AQR: variants seen among roughly 807,000 people sequenced by gnomAD.
AQR encodes the protein aquarius intron-binding spliceosomal factor, also known as RNA helicase aquarius.
Under a neutral mutation model 180.5 loss-of-function variants are expected in AQR, and 61 were observed. The ratio of observed to expected loss-of-function variants is 0.34; its 90% CI spans 0.28 to 0.42. The LOEUF (loss-of-function observed/expected upper bound fraction) is 0.42, where lower values mean the gene tolerates loss of function less well. AQR is among the 10% of genes least tolerant of loss of function. The probability of loss-of-function intolerance (pLI) is 1.00; values close to 1 mark genes in which losing one functional copy is unlikely to be tolerated. For missense variants in AQR, 1,281 were observed against 1,798.3 expected (o/e 0.71, Z 5.20); for synonymous variants, 551 against 588.8 (o/e 0.94, Z 0.93).
chr15:34,903,898 C>A (rs952646654), intron 19 of AQR, among the ~76,000 whole-genome samples: 2 of 151,958 alleles, frequency 1.3e-5, no homozygotes, highest in African/African-American at 4.8e-5. Context: ...TATATTATAA[C>A]GTATAGTAAT....
intron 4 of AQR, among the ~76,000 whole-genome samples, chr15:34,948,847 G>A (rs1894171112): frequency 6.6e-6 from 1 of 150,702 alleles, no homozygotes; most frequent in South Asian, 2.1e-4. Context: ...CTGCAGTCTA[G>A]GTCACTGCTA....
chr15:34,968,128 A>T (rs1023162657), intron 1 of AQR, among the ~76,000 whole-genome samples: 26 of 151,314 alleles, frequency 1.7e-4, no homozygotes, highest in African/African-American at 5.8e-4. Context: ...TTTTAAGGAC[A>T]GCCAGCCTTA....
intron 5 of AQR, among the ~76,000 whole-genome samples, chr15:34,946,985 CGGCCACCACCCCGTCTGGGAGGTGT>C (rs1566995335): frequency 6.6e-6 from 1 of 152,080 alleles, no homozygotes; most frequent in Non-Finnish European, 1.5e-5. Flanking sequence ...CCCCTCTGCC[CGGCCACCACCCCGTCTGGGAGGTGT>C]GCCCAACAGC....
At chr15:34,883,088 G>C (rs774238921) in intron 26 of AQR, among the ~76,000 whole-genome samples, 7 of 152,136 alleles carry the variant, frequency 4.6e-5, no homozygotes, top group Non-Finnish European at 8.8e-5. Context: ...AATAAAGGTA[G>C]GAAGTGGTAT....
rs568425919 is a variant in AQR at position 34,878,342 on chromosome 15, C to T, written c.3166-2336G>A. 1.6e-4 allele frequency among the ~76,000 whole-genome samples: 22 copies of T among 141,110 alleles called. No individual in the cohort carries two copies. The East Asian group carries it at 3.4e-3, about 22-fold the overall frequency. The allele number at this position is 141,110 out of a possible 152,430, so 92.6% of individuals were successfully genotyped here. On this transcript the variant is annotated intron_variant, in intron 27 of 34. Coordinates refer to ENST00000156471, the MANE Select transcript of AQR (RefSeq NM_014691.3). ...CAGAGGTTGCAGTGAGCCGAGATCA[C>T]GCCATTGCACTCCAGCCTGGGAAAA... is the stretch of plus-strand genomic sequence containing the variant.
In AQR at chr15:34,930,503, A is replaced by C. The variant is rs558194489; in HGVS notation, c.901-132T>G. On this transcript the variant is annotated intron_variant, in intron 11 of 34. Coordinates refer to ENST00000156471, the MANE Select transcript of AQR (RefSeq NM_014691.3). The stretch of plus-strand genomic sequence containing the variant: ...AAAAACTCAGGAATGTAAACATTAC[A>C]AAAAAGATTTTAGAACATATCCAAC... The C allele has an allele frequency of 6.5e-5, 37 of 565,540 alleles. No homozygotes were observed. The Admixed American group carries it at 9.0e-4, about 14-fold the overall frequency. The allele number at this position is 565,540 out of a possible 1,614,324, so 35.0% of individuals were successfully genotyped here. A position where few individuals can be genotyped will look rare whatever the true frequency, so the allele number is the denominator to read the frequency against.
intron 27 of AQR, among the ~76,000 whole-genome samples, chr15:34,879,774 A>C (rs142295972): frequency 1.4e-4 from 22 of 152,238 alleles, no homozygotes; most frequent in Middle Eastern, 3.4e-3. Context: ...CCCAATAGAC[A>C]ACAGGTTTAG....
At chr15:34,881,003 C>T (rs1892964872) in intron 27 of AQR, among the ~76,000 whole-genome samples, 1 of 152,000 alleles carries the variant, frequency 6.6e-6, no homozygotes, top group South Asian at 2.1e-4. Flanking sequence ...TGCTAACTAC[C>T]CGTTGACGTG....
intron 15 of AQR, among the ~76,000 whole-genome samples, chr15:34,917,978 G>C (rs887196798): frequency 3.9e-5 from 6 of 151,936 alleles, no homozygotes; most frequent in African/African-American, 1.5e-4. Context: ...GCAAGACCCT[G>C]TCTCACACTA....
chr15:34,923,367 C>G (rs1184107682), intron 13 of AQR, among the ~76,000 whole-genome samples: 1 of 152,066 alleles, frequency 6.6e-6, no homozygotes, highest in East Asian at 1.9e-4. Flanking sequence ...ACCCATTTAG[C>G]CAATATTTTC....
At chr15:34,860,470 AC>A (rs1892654977) in intron 33 of AQR, among the ~76,000 whole-genome samples, 1 of 151,888 alleles carries the variant, frequency 6.6e-6, no homozygotes, top group Non-Finnish European at 1.5e-5. Context: ...AAGGTTAGAG[AC>A]TAGAAGAGCT....
rs545658681 is a variant in AQR at position 34,926,627 on chromosome 15, T to C, written c.1118+408A>G. Among the ~76,000 whole-genome samples, 5 of 152,376 alleles carry C rather than the reference T, an allele frequency of 3.3e-5. No homozygotes were observed. In the East Asian group the frequency reaches 5.8e-4, roughly 18 times the overall value. On this transcript the variant is annotated intron_variant, in intron 13 of 34. Transcript: ENST00000156471. ...TTATTACTATTTTCAAAAGGATATATTAGCAGATAGCTAACTGCCAGAGGA... is the reference window on the plus strand; with the variant it reads ...TTATTACTATTTTCAAAAGGATATACTAGCAGATAGCTAACTGCCAGAGGA...
intron 12 of AQR, among the ~76,000 whole-genome samples, chr15:34,928,111 A>C (rs1391937858): frequency 6.6e-6 from 1 of 152,166 alleles, no homozygotes; most frequent in Non-Finnish European, 1.5e-5. Context: ...GCAGGAAAAG[A>C]CATCTGCGTT....
At chr15:34,969,447 G>A in intron 1 of AQR, 92 bp downstream of exon 1, 1 of 1,318,148 alleles carries the variant, frequency 7.6e-7, no homozygotes, top group East Asian at 2.5e-5. Flanking sequence ...GCCTCCTCCG[G>A]ACTCCTAAAT....
At chr15:34,894,511 TTA>T (rs1241650569) in intron 22 of AQR, among the ~76,000 whole-genome samples, 1 of 152,118 alleles carries the variant, frequency 6.6e-6, no homozygotes, top group Middle Eastern at 3.2e-3. Context: ...TTTTGTTTTT[TTA>T]AAAAGTTCTT....
At chr15:34,870,960 C>T (rs781338805) in intron 30 of AQR, 38 bp from the exon 31 acceptor site, 70 of 1,576,362 alleles carry the variant, frequency 4.4e-5, no homozygotes, top group Non-Finnish European at 5.8e-5. Flanking sequence ...CATTCATTTG[C>T]TTTTGTTTCA....
chr15:34,866,320 G>A (rs1168293930), intron 32 of AQR, among the ~76,000 whole-genome samples: 1 of 152,084 alleles, frequency 6.6e-6, no homozygotes, highest in Non-Finnish European at 1.5e-5. Flanking sequence ...CCATGAAGAA[G>A]TTGGAGTTTC....
At position 34,944,441 on chromosome 15, in the gene AQR, A is replaced by C. The variant is rs762940669; in HGVS notation, c.331-13T>G. The stretch of plus-strand genomic sequence containing the variant: ...TCTTCTTAAAAATCTGAAAAGAAAC[A>C]GAATAAAATTCATTTTGTATTGGCT... On this transcript the variant is annotated splice_polypyrimidine_tract_variant and intron_variant, in intron 5 of 34. Transcript: ENST00000156471. 1.9e-6 allele frequency: 3 copies of C among 1,587,584 alleles called. No individual in the cohort carries two copies. In the East Asian group the frequency reaches 6.8e-5, roughly 36 times the overall value.
chr15:34,897,524 T>C, intron 21 of AQR, 35 bp downstream of exon 21: 1 of 1,608,432 alleles, frequency 6.2e-7, no homozygotes, highest in Non-Finnish European at 8.5e-7. Context: ...CAAACTATTG[T>C]TCATCATTAC....
Sources: allele counts gnomAD v4.1 joint callset (sites outside exome capture counted in the v4.1 genomes callset), GRCh38; gene constraint gnomAD v4.1.1; transcripts MANE v1.5; gene names NCBI Gene and HGNC (gene_info 2026-07-23, HGNC 2026-07-21).